The following SLC41A3 variants were observed in gnomAD, a reference collection of about 807,000 sequenced individuals.
SLC41A3 encodes SLC41A1-like 2.
In SLC41A3, 44 loss-of-function variants were observed where a neutral mutation model predicts 45.4. The observed-to-expected ratio is 0.97, with a 90% CI of 0.76 to 1.25. The LOEUF (loss-of-function observed/expected upper bound fraction) is 1.25, where lower values mean the gene tolerates loss of function less well. Among genes scored for constraint, SLC41A3 ranks in the 50% most tolerant of loss-of-function variants. The pLI, the probability that SLC41A3 is intolerant of heterozygous loss-of-function variation, is 0.00. For synonymous variants in SLC41A3, 256 were observed against 252.4 expected (o/e 1.01, Z -0.13); for missense variants, 550 against 600.6 (o/e 0.92, Z 0.88).
At chr3:126,095,120 C>A (rs1945569004) in intron 1 of SLC41A3, 2 of 599,100 alleles carry the variant, frequency 3.3e-6, no homozygotes, top group African/African-American at 1.9e-5. Context: ...TGGTGAGATC[C>A]AATAACAAAA....
At chr3:126,065,990 C>T (rs1430900648) in intron 2 of SLC41A3, among the ~76,000 whole-genome samples, 4 of 152,180 alleles carry the variant, frequency 2.6e-5, no homozygotes, top group Non-Finnish European at 2.9e-5. Context: ...AGGAAGGCCC[C>T]CGACCCTGCC....
chr3:126,029,029 C>T (rs958116399), intron 4 of SLC41A3, among the ~76,000 whole-genome samples: 1 of 152,210 alleles, frequency 6.6e-6, no homozygotes, highest in Non-Finnish European at 1.5e-5. Context: ...ATATTATAGG[C>T]TCATAGTTAG....
At chr3:126,095,217 A>G in intron 1 of SLC41A3, 1 of 691,340 alleles carries the variant, frequency 1.4e-6, no homozygotes, top group Non-Finnish European at 2.6e-6. Flanking sequence ...TTTGGATACC[A>G]TCAAGACACC....
At chr3:126,051,986 C>T (rs1309191913) in intron 2 of SLC41A3, among the ~76,000 whole-genome samples, 1 of 152,168 alleles carries the variant, frequency 6.6e-6, no homozygotes, top group Non-Finnish European at 1.5e-5. Context: ...TGCCCAGCAA[C>T]AGGCTTGACC....
intron 1 of SLC41A3, among the ~76,000 whole-genome samples, chr3:126,094,934 T>G (rs1332888463): frequency 6.6e-6 from 1 of 152,198 alleles, no homozygotes; most frequent in African/African-American, 2.4e-5. Flanking sequence ...GATGAACAAT[T>G]GATAATAAAA....
chr3:126,061,551 T>A (rs1388275361), intron 2 of SLC41A3, among the ~76,000 whole-genome samples: 1 of 152,188 alleles, frequency 6.6e-6, no homozygotes, highest in Non-Finnish European at 1.5e-5. Flanking sequence ...CTGGCACAGG[T>A]ACACAGTATA....
chr3:126,090,817 T>A (rs770510737), intron 1 of SLC41A3, among the ~76,000 whole-genome samples: 4 of 152,110 alleles, frequency 2.6e-5, no homozygotes, highest in Non-Finnish European at 4.4e-5. Flanking sequence ...CATGTGAGAT[T>A]GTAAGGGCCA....
intron 4 of SLC41A3, among the ~76,000 whole-genome samples, chr3:126,029,374 C>A (rs968850944): frequency 6.6e-6 from 1 of 151,800 alleles, no homozygotes; most frequent in Non-Finnish European, 1.5e-5. Context: ...ACTCCCTCCC[C>A]CACCACTCTC....
chr3:126,084,790 C>T (rs751021788), upstream of SLC41A3, among the ~76,000 whole-genome samples: 17 of 152,148 alleles, frequency 1.1e-4, no homozygotes, highest in Non-Finnish European at 1.5e-4. Flanking sequence ...TGATAAGGCA[C>T]CTCCCCGTTC....
chr3:126,084,616 A>G (rs1945335332), upstream of SLC41A3, among the ~76,000 whole-genome samples: 1 of 152,190 alleles, frequency 6.6e-6, no homozygotes. Context: ...TCTCCTTTAA[A>G]TACTCGAGTA....
chr3:126,074,953 C>G (rs1944806278), intron 1 of SLC41A3, among the ~76,000 whole-genome samples: 1 of 152,146 alleles, frequency 6.6e-6, no homozygotes. Context: ...GCTGGGACTA[C>G]AGGCATATTC....
intron 5 of SLC41A3, 41 bp from the exon 6 acceptor site, chr3:126,022,973 G>C: frequency 6.2e-7 from 1 of 1,611,680 alleles, no homozygotes; most frequent in Admixed American, 1.7e-5. Flanking sequence ...TCAAATCCCA[G>C]GGAGCCAGAT....
chr3:126,083,555 C>T (rs1231533160), intron 1 of SLC41A3, among the ~76,000 whole-genome samples: 1 of 152,116 alleles, frequency 6.6e-6, no homozygotes, highest in Non-Finnish European at 1.5e-5. Flanking sequence ...CCACCCAGGA[C>T]AGTGGGCTGA....
chr3:126,006,546 T>C lies in SLC41A3; in HGVS notation c.*470A>G. 1 of 1,605,394 alleles carries C rather than the reference T, an allele frequency of 6.2e-7. No individual in the cohort carries two copies. The highest frequency in any genetic ancestry group is 8.5e-7 in the Non-Finnish European group (1 of 1,178,164). ...ACACCTTCTTGGCACAGCAGCAGTG[T>C]GGCCCACGGAGCTTGAACCTGGTGA... On this transcript the variant is annotated 3_prime_UTR_variant, in exon 11 of 11. Transcript: ENST00000360370.
At chr3:126,019,787 T>C (rs1012014544) in intron 6 of SLC41A3, among the ~76,000 whole-genome samples, 3 of 152,168 alleles carry the variant, frequency 2.0e-5, no homozygotes, top group African/African-American at 4.8e-5. Context: ...CCTCCAACCA[T>C]GGCTGTGCAG....
intron 1 of SLC41A3, among the ~76,000 whole-genome samples, chr3:126,082,378 C>T (rs1247845319): frequency 6.6e-6 from 1 of 152,190 alleles, no homozygotes; most frequent in Admixed American, 6.5e-5. Flanking sequence ...TTTGGTTGTC[C>T]CGACAGGGGG....
upstream of SLC41A3, among the ~76,000 whole-genome samples, chr3:126,086,348 G>A (rs1456688370): frequency 4.4e-5 from 6 of 137,264 alleles, no homozygotes; most frequent in Middle Eastern, 3.6e-3. Flanking sequence ...TTTTACTTTT[G>A]TACTGAAATT....
intron 9 of SLC41A3, among the ~76,000 whole-genome samples, chr3:126,011,298 C>A (rs1939682507): frequency 6.6e-6 from 1 of 152,112 alleles, no homozygotes; most frequent in African/African-American, 2.4e-5. Context: ...ACAATACCCC[C>A]AAAAGTCCCA....
rs1182904839 is a variant in SLC41A3, at chr3:126,006,405, A to C, written c.*611T>G. On this transcript the variant is annotated 3_prime_UTR_variant, in exon 11 of 11. Coordinates refer to ENST00000360370, the MANE Select transcript of SLC41A3 (RefSeq NM_017836.4). ...ATTTTACACTTCTCTGATTATTGAA[A>C]TCTAAATAGAGGTTTTTGCTAACAA... The C allele has an allele frequency of 6.2e-7, 1 of 1,609,420 alleles. No homozygotes were observed. The highest frequency in any genetic ancestry group is 1.7e-4 in the Middle Eastern group (1 of 6,046).
Sources: allele counts gnomAD v4.1 joint callset (sites outside exome capture counted in the v4.1 genomes callset), GRCh38; gene constraint gnomAD v4.1.1; transcripts MANE v1.5; gene names NCBI Gene and HGNC (gene_info 2026-07-23, HGNC 2026-07-21).